UNC93B1: variants seen among roughly 807,000 people sequenced by gnomAD.
The protein encoded by UNC93B1 is unc-93B1 regulator of TLR signaling.
In UNC93B1, 33 loss-of-function variants were observed where a neutral mutation model predicts 56.8. That is an observed-to-expected ratio of 0.58 (90% CI 0.44 to 0.78). The LOEUF is 0.78. Ranked by LOEUF, UNC93B1 falls within the 30% of genes least tolerant of loss-of-function variation. UNC93B1 has a pLI of 0.00. For synonymous variants in UNC93B1, 334 were observed against 358.6 expected (o/e 0.93, Z 0.77); for missense variants, 673 against 819.5 (o/e 0.82, Z 2.18).
intron 10 of UNC93B1, among the ~76,000 whole-genome samples, chr11:67,992,308 C>A (rs1856858104): frequency 6.6e-6 from 1 of 152,192 alleles, no homozygotes; most frequent in Non-Finnish European, 1.5e-5. Flanking sequence ...TATCTGTATG[C>A]ATACTTCCTG....
Position 67,991,486 on chromosome 11 carries a change from C to T in UNC93B1, c.*60G>A. On this transcript the variant is annotated 3_prime_UTR_variant, in exon 11 of 11. Transcript: ENST00000227471. ...GACTCGGAGGGGGTCCCCCCGACCTCAGACGTGGTAAACTGAGGCCGGCGA... is the reference window on the plus strand; with the variant it reads ...GACTCGGAGGGGGTCCCCCCGACCTTAGACGTGGTAAACTGAGGCCGGCGA... 13 of 1,342,388 alleles carry T rather than the reference C, an allele frequency of 9.7e-6. No individual in the cohort carries two copies. Among genetic ancestry groups the T allele is most frequent in the Non-Finnish European group, 1.0e-5 (11 of 1,047,878 alleles). 83.2% of individuals were successfully genotyped at this position (1,342,388 alleles called of 1,614,324 possible). A position where few individuals can be genotyped will look rare whatever the true frequency, so the allele number is the denominator to read the frequency against.
At chr11:67,992,951 C>CCGCGCCCGGCCTT (rs1856872875) in intron 10 of UNC93B1, among the ~76,000 whole-genome samples, 1 of 152,216 alleles carries the variant, frequency 6.6e-6, no homozygotes. Flanking sequence ...GCGTGAGCCA[C>CCGCGCCCGGCCTT]TACTGCCAGC....
At position 67,999,663 on chromosome 11, in the gene UNC93B1, C is replaced by G. The variant is rs369693897; in HGVS notation, c.410G>C (p.Trp137Ser). ...PVLIRFFGTK[W>S]MMFLAVGIYA... ...GATGCCCACAGCGAGGAACATCATC[C>G]ACTTCGTTCCAAAAAACCTGCGGAC... is the stretch of plus-strand genomic sequence containing the variant. The change falls in exon 4 of 11, where the codon TGG becomes TCG. Residue 137 changes from tryptophan to serine, a missense_variant. Around this residue, in one of 3 missense-constraint regions of UNC93B1, gnomAD observed 438 missense variants for 465.9 expected, o/e 0.94. Coordinates refer to ENST00000227471, the MANE Select transcript of UNC93B1 (RefSeq NM_030930.4). 1 of 1,611,524 alleles carries G rather than the reference C, an allele frequency of 6.2e-7. No homozygotes were observed.
chr11:67,997,226 G>C (rs558163630), intron 7 of UNC93B1, among the ~76,000 whole-genome samples: 1 of 149,804 alleles, frequency 6.7e-6, no homozygotes, highest in South Asian at 2.2e-4. Flanking sequence ...CACAGCCACG[G>C]ACTGGGCCTT....
chr11:67,996,461 A>C, intron 8 of UNC93B1, 141 bp downstream of exon 8: 1 of 1,195,954 alleles, frequency 8.4e-7, no homozygotes, highest in Non-Finnish European at 1.1e-6. Context: ...AAGAGAGGGA[A>C]GAGAAAGCAG....
In UNC93B1 at chr11:67,999,097, G is replaced by A. The variant is rs553584428; in HGVS notation, c.687+76C>T. 5.7e-6 allele frequency: 9 copies of A among 1,583,224 alleles called. No homozygotes were observed. The African/African-American group carries it at 1.2e-4, about 21-fold the overall frequency. The stretch of plus-strand genomic sequence containing the variant: ...TAATAAAAGAAAGAAAGTGGGACTA[G>A]AGGGTTGAGACTGTGGATGGGCTCC... On this transcript the variant is annotated intron_variant, in intron 5 of 10. Transcript: ENST00000227471.
At position 68,003,481 on chromosome 11, in the gene UNC93B1, G is replaced by A; in HGVS notation, c.238+176C>T. On this transcript the variant is annotated intron_variant, in intron 2 of 10. Coordinates refer to ENST00000227471, the MANE Select transcript of UNC93B1 (RefSeq NM_030930.4). The surrounding 1 kb of genome is among the most constrained non-coding windows in gnomAD (Gnocchi z 4.4). Reference sequence around the variant, plus strand: ...CACCGAGGCTCTGGCTGGGACCCGGGGACGCTGCGCTACTTGACCCCCCAA... The same window carrying A: ...CACCGAGGCTCTGGCTGGGACCCGGAGACGCTGCGCTACTTGACCCCCCAA... 1 of 1,024,398 alleles carries A rather than the reference G, an allele frequency of 9.8e-7. No individual in the cohort carries two copies. Among genetic ancestry groups the A allele is most frequent in the Non-Finnish European group, 1.3e-6 (1 of 747,918 alleles). The allele number at this position is 1,024,398 out of a possible 1,614,324, so 63.5% of individuals were successfully genotyped here.
At chr11:67,997,628 A>T in intron 7 of UNC93B1, 47 bp downstream of exon 7, 1 of 1,596,632 alleles carries the variant, frequency 6.3e-7, no homozygotes, top group Middle Eastern at 2.2e-4. Context: ...GGTCCCCAGA[A>T]CCACACTCTG....
At position 67,999,349 on chromosome 11, in the gene UNC93B1, C is replaced by T. The variant is rs775477166; in HGVS notation, c.555-44G>A. The T allele has an allele frequency of 2.5e-6, 4 of 1,579,666 alleles. No homozygotes were observed. The East Asian group carries it at 7.0e-5, about 28-fold the overall frequency. On this transcript the variant is annotated intron_variant, in intron 4 of 10. Coordinates refer to ENST00000227471, the MANE Select transcript of UNC93B1 (RefSeq NM_030930.4). Reference sequence around the variant, plus strand: ...AAGGCTCTCCCCAGCCCGACCTGTGCCACTCCTGTGTGTCCTGCACCCAGA... The same window carrying T: ...AAGGCTCTCCCCAGCCCGACCTGTGTCACTCCTGTGTGTCCTGCACCCAGA...
intron 7 of UNC93B1, 45 bp downstream of exon 7, chr11:67,997,630 C>G (rs566022186): frequency 1.3e-6 from 2 of 1,596,892 alleles, no homozygotes; most frequent in African/African-American, 2.7e-5. Flanking sequence ...TCCCCAGAAC[C>G]ACACTCTGCT....
At position 67,993,720 on chromosome 11, in the gene UNC93B1, C is replaced by T. The variant is rs756203403; in HGVS notation, c.1438G>A (p.Val480Met). 8 of 1,292,394 alleles carry T rather than the reference C, an allele frequency of 6.2e-6. No homozygotes were observed. The South Asian group carries it at 1.0e-4, about 16-fold the overall frequency. 80.1% of individuals were successfully genotyped at this position (1,292,394 alleles called of 1,614,324 possible). A position where few individuals can be genotyped will look rare whatever the true frequency, so the allele number is the denominator to read the frequency against. ...CCCAGGTACACGGTGAAGATGGCCA[C>T]AGCCTGCCACCAGTGGTAGATGGTG... ...IFTIYHWWQA[V>M]AIFTVYLGSS... The change falls in exon 10 of 11, where the codon GTG becomes ATG. Residue 480 changes from valine to methionine, a missense_variant. Val to Met is a conservative substitution (Grantham distance 21). Around this residue, in one of 3 missense-constraint regions of UNC93B1, gnomAD observed 155 missense variants for 268.3 expected, o/e 0.58. Coordinates refer to ENST00000227471, the MANE Select transcript of UNC93B1 (RefSeq NM_030930.4).
At chr11:67,998,561 TC>T in intron 5 of UNC93B1, 109 bp from the exon 6 acceptor site, 2 of 1,104,268 alleles carry the variant, frequency 1.8e-6, no homozygotes, top group Non-Finnish European at 2.7e-6. Flanking sequence ...ACAGGGGCCT[TC>T]CCAGTTCTGG....
intron 8 of UNC93B1, 198 bp from the exon 9 acceptor site, chr11:67,996,082 GAAA>G: frequency 5.3e-6 from 2 of 376,888 alleles, no homozygotes; most frequent in Non-Finnish European, 9.4e-6. Flanking sequence ...GAGTCGGGGG[GAAA>G]AGAGGGGTTG....
At chr11:68,000,571 A>G (rs1857029685) in intron 3 of UNC93B1, among the ~76,000 whole-genome samples, 2 of 152,190 alleles carry the variant, frequency 1.3e-5, no homozygotes, top group African/African-American at 4.8e-5. Context: ...AGGCTGAGGC[A>G]GGAGAATCGC....
At position 68,003,255 on chromosome 11, in the gene UNC93B1, C is replaced by T; in HGVS notation, c.239-80G>A. 2 of 1,410,712 alleles carry T rather than the reference C, an allele frequency of 1.4e-6. No individual in the cohort carries two copies. Among genetic ancestry groups the T allele is most frequent in the Non-Finnish European group, 9.3e-7 (1 of 1,069,950 alleles). 87.4% of individuals were successfully genotyped at this position (1,410,712 alleles called of 1,614,324 possible). ...CGAGCAGAAGACGGCATGCAGGCCTCGCAGGGAGCTCCAATCACCGAAGGC... is the reference window on the plus strand; with the variant it reads ...CGAGCAGAAGACGGCATGCAGGCCTTGCAGGGAGCTCCAATCACCGAAGGC... On this transcript the variant is annotated intron_variant, in intron 2 of 10. Transcript: ENST00000227471. The surrounding 1 kb of genome is among the most constrained non-coding windows in gnomAD (Gnocchi z 4.4).
At position 67,996,976 on chromosome 11, in the gene UNC93B1, C is replaced by G. The variant is rs114060891; in HGVS notation, c.907-192G>C. On this transcript the variant is annotated intron_variant, in intron 7 of 10. Transcript: ENST00000227471. Reference sequence around the variant, plus strand: ...CTTATCCCAGCTCAAGGCCCCGCCTCTCAGCACAAAGCCACGCCACCACAC... The same window carrying G: ...CTTATCCCAGCTCAAGGCCCCGCCTGTCAGCACAAAGCCACGCCACCACAC... Among the ~76,000 whole-genome samples, 1,244 of 152,016 alleles carry G rather than the reference C, an allele frequency of 8.2e-3. 21 individuals carry two copies. The highest frequency in any genetic ancestry group is 0.028 in the African/African-American group (1,173 of 41,432).
Position 67,991,673 on chromosome 11 carries a change from T to G in UNC93B1, c.1667A>C (p.His556Pro), listed in dbSNP as rs1366251779. The G allele has an allele frequency of 6.5e-7, 1 of 1,530,892 alleles. No individual in the cohort carries two copies. Among genetic ancestry groups the G allele is most frequent in the African/African-American group, 1.4e-5 (1 of 72,640 alleles). The allele number at this position is 1,530,892 out of a possible 1,614,324, so 94.8% of individuals were successfully genotyped here. ...CGCCTCCTCCTCCGCGCCGTCCCCA[T>G]GCTCGCCCTCCGCGTCGCTCTCGTC... Reference protein sequence around the residue: ...NSDESDAEGEHGDGAEEEAPP... With the variant: ...NSDESDAEGEPGDGAEEEAPP... The change falls in exon 11 of 11, where the codon CAT (histidine) becomes CCT (proline). Residue 556 changes from histidine (H) to proline (P), a missense_variant. Transcript: ENST00000227471.
chr11:68,000,004 T>C (rs1857020789), intron 3 of UNC93B1, among the ~76,000 whole-genome samples: 2 of 152,122 alleles, frequency 1.3e-5, no homozygotes, highest in African/African-American at 4.8e-5. Context: ...TTCCCCCTTC[T>C]CCTCCCAAGC....
chr11:67,991,936 T>A (rs1856852391), intron 10 of UNC93B1, 79 bp from the exon 11 acceptor site: 1 of 1,444,896 alleles, frequency 6.9e-7, no homozygotes, highest in Admixed American at 2.4e-5. Context: ...CTCGCTGAGA[T>A]AGGCCCTTCC....
Sources: gnomAD v4.1 joint callset for allele counts (sites outside exome capture counted in the v4.1 genomes callset) on GRCh38, gnomAD v4.1.1 for gene constraint, gnomAD v4.1.1 regional missense constraint, Gnocchi (gnomAD v3.1) non-coding constraint, MANE v1.5 for transcripts, NCBI Gene and HGNC (gene_info 2026-07-23, HGNC 2026-07-21) for gene names.